CMIP: variants seen among roughly 807,000 people sequenced by gnomAD.
CMIP encodes c-Maf inducing protein, also known as C-Maf-inducing protein.
A neutral mutation model predicts 97.3 loss-of-function variants in CMIP; 13 were observed. The observed-to-expected ratio is 0.13, with a 90% CI of 0.09 to 0.21. The LOEUF is 0.21. CMIP is among the 10% of genes least tolerant of loss of function. CMIP has a pLI of 1.00. For missense variants in CMIP, 847 were observed against 1,024.9 expected, an observed-to-expected ratio of 0.83 and a Z score of 2.37; for synonymous variants, 538 against 436.3, an observed-to-expected ratio of 1.23 and a Z score of -2.91.
At chr16:81,599,691 G>A (rs879162581) in intron 1 of CMIP, among the ~76,000 whole-genome samples, 6 of 152,212 alleles carry the variant, frequency 3.9e-5, no homozygotes, top group African/African-American at 7.2e-5. Context: ...GGGGGGTTAC[G>A]AAATTGAATC....
At chr16:81,700,930 C>A (rs948396133) in intron 15 of CMIP, among the ~76,000 whole-genome samples, 1 of 152,120 alleles carries the variant, frequency 6.6e-6, no homozygotes, top group Non-Finnish European at 1.5e-5. Flanking sequence ...AGCAGGGAGA[C>A]AGGAGACAGG....
In CMIP at chr16:81,711,220, C is replaced by T. The variant is rs1472898851; in HGVS notation, c.*1421C>T. 6.6e-6 allele frequency: 1 copy of T among 152,468 alleles called. No individual in the cohort carries two copies. Among genetic ancestry groups the T allele is most frequent in the African/African-American group, 2.4e-5 (1 of 41,364 alleles). The allele number at this position is 152,468 out of a possible 1,614,324, so 9.4% of individuals were successfully genotyped here. On this transcript the variant is annotated 3_prime_UTR_variant, in exon 21 of 21. Transcript: ENST00000537098. ...AGCCCTTTTTTCTGTTGGTTTAGCA[C>T]AAATACTTCCCTCCTCCGGCACCTC... is the stretch of plus-strand genomic sequence containing the variant.
chr16:81,635,332 A>G (rs1463682495), intron 3 of CMIP, among the ~76,000 whole-genome samples: 1 of 152,054 alleles, frequency 6.6e-6, no homozygotes, highest in Admixed American at 6.6e-5. Flanking sequence ...GACCCTCAGG[A>G]GGGTTGGCAC....
chr16:81,638,669 T>G (rs2092266690), intron 3 of CMIP, among the ~76,000 whole-genome samples: 1 of 152,010 alleles, frequency 6.6e-6, no homozygotes, highest in Non-Finnish European at 1.5e-5. Context: ...TGTTTTCCCC[T>G]CTTTCCCTCT....
intron 1 of CMIP, among the ~76,000 whole-genome samples, chr16:81,507,174 T>A (rs1022368101): frequency 1.3e-5 from 2 of 152,130 alleles, no homozygotes. Context: ...GAGAATGGCG[T>A]GAACCCAGGA....
chr16:81,588,770 C>A (rs914784163), intron 1 of CMIP, among the ~76,000 whole-genome samples: 4 of 152,128 alleles, frequency 2.6e-5, no homozygotes, highest in Admixed American at 6.5e-5. Context: ...GCACAGCAGG[C>A]CCTCTGTGCT....
At chr16:81,702,464 C>T (rs1389962990) in intron 16 of CMIP, among the ~76,000 whole-genome samples, 158 bp from the exon 17 acceptor site, 1 of 152,256 alleles carries the variant, frequency 6.6e-6, no homozygotes, top group Non-Finnish European at 1.5e-5. Context: ...TGTGCTCAAA[C>T]CTCATCTCCG....
chr16:81,487,378 TGGGGCTC>T, intron 1 of CMIP, among the ~76,000 whole-genome samples: 1 of 152,144 alleles, frequency 6.6e-6, no homozygotes, highest in East Asian at 1.9e-4. Context: ...CAGGGCCGAG[TGGGGCTC>T]TGACTGCTCC....
At chr16:81,448,914 C>T (rs926944161) in intron 1 of CMIP, among the ~76,000 whole-genome samples, 1 of 152,260 alleles carries the variant, frequency 6.6e-6, no homozygotes, top group African/African-American at 2.4e-5. Flanking sequence ...CTGGGCCTCA[C>T]TGGCTCTTCA....
At chr16:81,506,524 G>T (rs2089711641) in intron 1 of CMIP, among the ~76,000 whole-genome samples, 1 of 152,198 alleles carries the variant, frequency 6.6e-6, no homozygotes, top group Non-Finnish European at 1.5e-5. Flanking sequence ...GATTAAAATG[G>T]GTAATGGAAA....
chr16:81,654,860 G>T (rs1349207553), intron 4 of CMIP, among the ~76,000 whole-genome samples: 1 of 151,074 alleles, frequency 6.6e-6, no homozygotes, highest in Non-Finnish European at 1.5e-5. Context: ...GAGACTTTCT[G>T]GCAAGTATGT....
intron 1 of CMIP, chr16:81,476,096 A>G: frequency 1.3e-6 from 1 of 792,996 alleles, no homozygotes; most frequent in South Asian, 1.3e-5. Flanking sequence ...AAAGTGCTCC[A>G]TGGCCTCCAC....
At position 81,592,395 on chromosome 16, in the gene CMIP, G is replaced by T. The variant is rs538413579; in HGVS notation, c.301-15172G>T. On this transcript the variant is annotated intron_variant, in intron 1 of 20. Transcript: ENST00000537098. ...TTGTGCTGTTTCCTTGGCGGAGAAT[G>T]CCTGGCGCTCCCCTCCTTACCTTGA... Among the ~76,000 whole-genome samples the T allele has an allele frequency of 4.0e-4, 61 of 152,290 alleles. 1 individual carries two copies. Among genetic ancestry groups the T allele is most frequent in the Admixed American group, 3.9e-3 (59 of 15,296 alleles).
At chr16:81,596,622 C>A (rs913003369) in intron 1 of CMIP, among the ~76,000 whole-genome samples, 4 of 152,142 alleles carry the variant, frequency 2.6e-5, no homozygotes, top group African/African-American at 9.7e-5. Flanking sequence ...TCACCAACAG[C>A]CAGAATCCAG....
At chr16:81,574,643 T>C (rs922809869) in intron 1 of CMIP, among the ~76,000 whole-genome samples, 1 of 152,208 alleles carries the variant, frequency 6.6e-6, no homozygotes, top group Non-Finnish European at 1.5e-5. Context: ...TGAAATACAG[T>C]TCCTCACCCT....
chr16:81,458,173 C>T (rs763264922), intron 1 of CMIP, among the ~76,000 whole-genome samples: 1 of 152,060 alleles, frequency 6.6e-6, no homozygotes, highest in African/African-American at 2.4e-5. Flanking sequence ...GGGATAGGGA[C>T]CCTGGCTTCT....
chr16:81,637,107 G>T (rs57511687), intron 3 of CMIP, among the ~76,000 whole-genome samples: 11,513 of 152,148 alleles, frequency 0.076, 540 homozygotes, highest in South Asian at 0.16. Flanking sequence ...TTTCGCTCTT[G>T]TTGCCCATGC....
intron 13 of CMIP, among the ~76,000 whole-genome samples, chr16:81,695,253 T>C (rs1461477628): frequency 6.6e-6 from 1 of 152,238 alleles, no homozygotes; most frequent in East Asian, 1.9e-4. Flanking sequence ...TCACTCTTCT[T>C]TCTCCCTTCC....
chr16:81,601,741 T>A (rs142970648), intron 1 of CMIP, among the ~76,000 whole-genome samples: 40 of 151,960 alleles, frequency 2.6e-4, no homozygotes, highest in African/African-American at 9.7e-4. Context: ...GAAGGCAGCG[T>A]CCCCCGGGGC....
Sources: allele counts gnomAD v4.1 joint callset (sites outside exome capture counted in the v4.1 genomes callset), GRCh38; gene constraint gnomAD v4.1.1; transcripts MANE v1.5; gene names NCBI Gene and HGNC (gene_info 2026-07-23, HGNC 2026-07-21).